The following EDNRA variants were observed in gnomAD, a reference collection of about 807,000 sequenced individuals.
The protein encoded by EDNRA is endothelin-1 receptor.
A neutral mutation model predicts 41.4 loss-of-function variants in EDNRA; 11 were observed. The observed-to-expected ratio is 0.27, with a 90% CI of 0.17 to 0.44. The LOEUF (loss-of-function observed/expected upper bound fraction) is 0.44. EDNRA is among the 20% of genes least tolerant of loss of function. The probability of loss-of-function intolerance (pLI) is 1.00; values close to 1 mark genes in which losing one functional copy is unlikely to be tolerated. For missense variants in EDNRA, 294 were observed against 531.0 expected (o/e 0.55, Z 4.39); for synonymous variants, 172 against 183.0 (o/e 0.94, Z 0.49).
At chr4:147,534,915 T>G (rs926246412) in intron 4 of EDNRA, among the ~76,000 whole-genome samples, 1 of 152,140 alleles carries the variant, frequency 6.6e-6, no homozygotes, top group Non-Finnish European at 1.5e-5. Flanking sequence ...TAGGAACCAT[T>G]TTTAGATTAT....
chr4:147,540,266 A>G, intron 6 of EDNRA, 111 bp from the exon 7 acceptor site: 1 of 935,284 alleles, frequency 1.1e-6, no homozygotes, highest in Non-Finnish European at 1.6e-6. Context: ...ACTGCCACCC[A>G]TACGAAATGG....
At chr4:147,496,853 T>C (rs1729316686) in intron 2 of EDNRA, among the ~76,000 whole-genome samples, 1 of 152,234 alleles carries the variant, frequency 6.6e-6, no homozygotes, top group Non-Finnish European at 1.5e-5. Flanking sequence ...TATTAAGTAG[T>C]TTCTAGTTTT....
chr4:147,506,669 T>C, intron 2 of EDNRA: 1 of 322,456 alleles, frequency 3.1e-6, no homozygotes, highest in Non-Finnish European at 6.1e-6. Flanking sequence ...GAGGGAACTC[T>C]TAAATTGGTC....
At chr4:147,514,056 C>G (rs1730013282) in intron 2 of EDNRA, among the ~76,000 whole-genome samples, 1 of 152,184 alleles carries the variant, frequency 6.6e-6, no homozygotes, top group African/African-American at 2.4e-5. Flanking sequence ...CAAATTATAG[C>G]AATTCAAAAT....
chr4:147,487,569 A>G (rs1728991894), intron 2 of EDNRA, among the ~76,000 whole-genome samples: 1 of 152,222 alleles, frequency 6.6e-6, no homozygotes, highest in African/African-American at 2.4e-5. Flanking sequence ...AAGATACAAC[A>G]CATTTTAAGT....
At chr4:147,493,103 G>A (rs998421694) in intron 2 of EDNRA, 2 of 152,152 alleles carry the variant, frequency 1.3e-5, no homozygotes, top group African/African-American at 2.4e-5. Flanking sequence ...TTAGTAACGT[G>A]TTGAGATGTA....
intron 2 of EDNRA, among the ~76,000 whole-genome samples, chr4:147,504,957 C>CAAAAAAAAAAAAAAAAAACAA (rs1729638110): frequency 2.6e-5 from 1 of 39,046 alleles, no homozygotes; most frequent in African/African-American, 1.2e-4. Context: ...GACCCTGTCT[C>CAAAAAAAAAAAAAAAAAACAA]AAAAAAAAAA....
intron 2 of EDNRA, among the ~76,000 whole-genome samples, chr4:147,487,345 G>A (rs1728982462): frequency 6.6e-6 from 1 of 152,144 alleles, no homozygotes; most frequent in South Asian, 2.1e-4. Context: ...TCTAGTTGTT[G>A]GGAGGGAAAA....
intron 3 of EDNRA, among the ~76,000 whole-genome samples, chr4:147,523,367 T>C (rs1730392109): frequency 1.3e-5 from 2 of 152,348 alleles, no homozygotes; most frequent in South Asian, 4.1e-4. Flanking sequence ...TTCTATTTCT[T>C]TCAGGGCCTT....
At chr4:147,538,318 TC>T (rs1372303558) in intron 5 of EDNRA, among the ~76,000 whole-genome samples, 1 of 152,072 alleles carries the variant, frequency 6.6e-6, no homozygotes, top group African/African-American at 2.4e-5. Context: ...CAGTAGCTCT[TC>T]CGGAAACCCA....
At chr4:147,523,497 G>T (rs28839485) in intron 3 of EDNRA, among the ~76,000 whole-genome samples, 3,344 of 98,142 alleles carry the variant, frequency 0.034, 116 homozygotes, top group African/African-American at 0.12. Context: ...TGTTTTTTTT[G>T]TTTTTTTTTT....
intron 2 of EDNRA, among the ~76,000 whole-genome samples, chr4:147,500,512 G>A (rs1310682140): frequency 6.6e-6 from 1 of 152,178 alleles, no homozygotes; most frequent in East Asian, 1.9e-4. Flanking sequence ...GAGCCCATAA[G>A]TTCGAGACTA....
chr4:147,512,043 CA>C (rs1366328732), intron 2 of EDNRA, among the ~76,000 whole-genome samples: 2 of 152,168 alleles, frequency 1.3e-5, no homozygotes, highest in African/African-American at 4.8e-5. Flanking sequence ...AAAGTATTGA[CA>C]CACACAATCA....
intron 2 of EDNRA, among the ~76,000 whole-genome samples, chr4:147,515,756 A>C (rs1435989391): frequency 2.6e-5 from 4 of 152,194 alleles, no homozygotes; most frequent in Admixed American, 1.3e-4. Context: ...CCCCATACTT[A>C]AGAGGTCCCA....
chr4:147,497,615 A>G (rs1330415553), intron 2 of EDNRA, among the ~76,000 whole-genome samples: 1 of 151,802 alleles, frequency 6.6e-6, no homozygotes, highest in African/African-American at 2.4e-5. Flanking sequence ...TCTGTCGCCC[A>G]GGCTGGAGTG....
chr4:147,538,211 C>T (rs565399145), intron 5 of EDNRA, among the ~76,000 whole-genome samples: 1 of 152,234 alleles, frequency 6.6e-6, no homozygotes, highest in South Asian at 2.1e-4. Context: ...ACTGTAGCAG[C>T]AGCTCTACTT....
intron 2 of EDNRA, among the ~76,000 whole-genome samples, chr4:147,500,349 A>T (rs556781241): frequency 6.6e-6 from 1 of 152,332 alleles, no homozygotes; most frequent in South Asian, 2.1e-4. Flanking sequence ...CCATTTTTTA[A>T]CATTAGGTGT....
At chr4:147,530,075 T>A (rs1422331884) in intron 3 of EDNRA, among the ~76,000 whole-genome samples, 1 of 152,222 alleles carries the variant, frequency 6.6e-6, no homozygotes, top group Non-Finnish European at 1.5e-5. Context: ...TGTAATATTC[T>A]GGGAACTCAT....
intron 2 of EDNRA, among the ~76,000 whole-genome samples, chr4:147,517,423 C>T (rs1730152753): frequency 6.6e-6 from 1 of 152,146 alleles, no homozygotes; most frequent in South Asian, 2.1e-4. Flanking sequence ...ATGAGGGCCT[C>T]TTTGAGGAAG....
Sources: gnomAD v4.1 joint callset for allele counts (sites outside exome capture counted in the v4.1 genomes callset) on GRCh38, gnomAD v4.1.1 for gene constraint, MANE v1.5 for transcripts, NCBI Gene and HGNC (gene_info 2026-07-23, HGNC 2026-07-21) for gene names.